The following FMO2 variants were observed in gnomAD, a reference collection of about 807,000 sequenced individuals.
FMO2 encodes flavin containing dimethylaniline monoxygenase 2.
A neutral mutation model predicts 41.6 loss-of-function variants in FMO2; 33 were observed. The ratio of observed to expected loss-of-function variants is 0.79; its 90% CI spans 0.60 to 1.06. FMO2 has a LOEUF of 1.06. FMO2 is among the 50% of genes least tolerant of loss of function. FMO2 has a pLI of 0.00. For synonymous variants in FMO2, 214 were observed against 219.6 expected (o/e 0.97, Z 0.23); for missense variants, 619 against 632.9 (o/e 0.98, Z 0.23).
chr1:171,205,634 G>C lies in FMO2; in HGVS notation c.1183G>C (p.Gly395Arg). The C allele has an allele frequency of 1.3e-6, 2 of 1,597,210 alleles. No homozygotes were observed. The highest frequency in any genetic ancestry group is 1.7e-6 in the Non-Finnish European group (2 of 1,170,670). ...QARWVTRVFK[G>R]LCSLPSERTM... ...TCGTTGGGTGACAAGAGTTTTCAAA[G>C]GTAAGTGTGTAGGCAGGTGAGTGGC... Residue 395 changes from glycine (G) to arginine (R), a missense_variant and splice_region_variant, in exon 7 of 9, where the codon GGC (glycine) becomes CGC (arginine). Transcript: ENST00000209929.
intron 1 of FMO2, 136 bp from the exon 2 acceptor site, chr1:171,185,572 T>G: frequency 1.2e-6 from 1 of 811,824 alleles, no homozygotes; most frequent in Non-Finnish European, 1.9e-6. Context: ...GATTTTTGAC[T>G]GGCTCTTTAT....
rs2102020977 is a variant in FMO2 at position 171,209,877 on chromosome 1, TCA to T, written c.*735_*736del. 1 of 152,322 alleles carries T rather than the reference TCA, an allele frequency of 6.6e-6. No individual in the cohort carries two copies. Among genetic ancestry groups the T allele is most frequent in the African/African-American group, 2.4e-5 (1 of 41,586 alleles). 9.4% of individuals were successfully genotyped at this position (152,322 alleles called of 1,614,324 possible). A position where few individuals can be genotyped will look rare whatever the true frequency, so the allele number is the denominator to read the frequency against. The stretch of plus-strand genomic sequence containing the variant: ...TCATATGTATTATTTCATTTAATTC[TCA>T]CAACAATTCTGTGAAATGGTTACAG... On this transcript the variant is annotated 3_prime_UTR_variant, in exon 9 of 9. Transcript: ENST00000209929.
In FMO2 at chr1:171,193,480, T is replaced by A. The variant is rs1557976477; in HGVS notation, c.278T>A (p.Ile93Asn). ...HNSKLLEYFR[I>N]FAKKFDLLKY... ...TCTAAACTTCTGGAATATTTCAGGA[T>A]TTTTGCTAAAAAATTTGATCTGCTA... Residue 93 changes from isoleucine to asparagine, a missense_variant, in exon 3 of 9, where the codon ATT becomes AAT. Ile to Asn is a moderately radical substitution (Grantham distance 149, BLOSUM62 -3). Transcript: ENST00000209929. 1.2e-6 allele frequency: 2 copies of A among 1,611,952 alleles called. No homozygotes were observed. Among genetic ancestry groups the A allele is most frequent in the Non-Finnish European group, 1.7e-6 (2 of 1,178,684 alleles).
intron 7 of FMO2, among the ~76,000 whole-genome samples, chr1:171,206,920 T>C (rs1393685897): frequency 6.6e-6 from 1 of 152,194 alleles, no homozygotes; most frequent in Non-Finnish European, 1.5e-5. Flanking sequence ...ACATTATAAT[T>C]GGTTCAATGT....
chr1:171,196,501 C>T, intron 3 of FMO2, 148 bp from the exon 4 acceptor site: 1 of 569,394 alleles, frequency 1.8e-6, no homozygotes, highest in East Asian at 3.1e-5. Context: ...TTTTCTCTCT[C>T]AAGTCCTTAT....
chr1:171,187,290 G>A (rs1037406810), intron 2 of FMO2, among the ~76,000 whole-genome samples: 1 of 152,200 alleles, frequency 6.6e-6, no homozygotes, highest in African/African-American at 2.4e-5. Context: ...TTCCAAATGG[G>A]AACAAAAGGT....
intron 3 of FMO2, among the ~76,000 whole-genome samples, 194 bp from the exon 4 acceptor site, chr1:171,196,455 C>A (rs1011210414): frequency 6.6e-6 from 1 of 152,192 alleles, no homozygotes; most frequent in Admixed American, 6.5e-5. Flanking sequence ...GTGACTCCAT[C>A]TAGATTCTGA....
chr1:171,186,667 G>A (rs548674800), intron 2 of FMO2, among the ~76,000 whole-genome samples: 4 of 152,284 alleles, frequency 2.6e-5, no homozygotes, highest in African/African-American at 9.6e-5. Context: ...GACATGTGGG[G>A]ATTGTGGGAA....
At chr1:171,205,677 G>A in intron 7 of FMO2, 43 bp downstream of exon 7, 2 of 1,324,786 alleles carry the variant, frequency 1.5e-6, no homozygotes, top group Non-Finnish European at 2.1e-6. Context: ...TTCAGATCTG[G>A]TGAAGTTTAT....
At position 171,209,994 on chromosome 1, in the gene FMO2, C is replaced by T. The variant is rs971429230; in HGVS notation, c.*849C>T. The T allele has an allele frequency of 6.6e-6, 1 of 152,094 alleles. No homozygotes were observed. Among genetic ancestry groups the T allele is most frequent in the Admixed American group, 6.6e-5 (1 of 15,260 alleles). 9.4% of individuals were successfully genotyped at this position (152,094 alleles called of 1,614,324 possible). On this transcript the variant is annotated 3_prime_UTR_variant, in exon 9 of 9. Coordinates refer to ENST00000209929, the MANE Select transcript of FMO2 (RefSeq NM_001460.5). ...GGAATTGGAACTCAGATTTGTTGAA[C>T]TCTAGAACTAAAGATCATAATGTTG...
intron 2 of FMO2, among the ~76,000 whole-genome samples, chr1:171,188,097 TAC>T (rs1362596878): frequency 2.7e-5 from 4 of 148,688 alleles, no homozygotes; most frequent in Non-Finnish European, 5.9e-5. Flanking sequence ...ATGTAGAAAT[TAC>T]AGTTGGTCCT....
At chr1:171,194,693 A>G (rs1444709467) in intron 3 of FMO2, among the ~76,000 whole-genome samples, 2 of 152,210 alleles carry the variant, frequency 1.3e-5, no homozygotes, top group African/African-American at 4.8e-5. Context: ...TGGGAGGTCA[A>G]AGCTGCAATA....
At chr1:171,198,864 T>TA (rs1453176908) in intron 4 of FMO2, among the ~76,000 whole-genome samples, 3 of 152,170 alleles carry the variant, frequency 2.0e-5, no homozygotes, top group African/African-American at 4.8e-5. Flanking sequence ...GCCTCTGAAA[T>TA]AAAAAATCAA....
chr1:171,207,634 G>A, intron 7 of FMO2, 84 bp from the exon 8 acceptor site: 1 of 972,288 alleles, frequency 1.0e-6, no homozygotes, highest in South Asian at 1.4e-5. Context: ...TCAATGTCCA[G>A]AGTTTAATTT....
Position 171,209,170 on chromosome 1 carries a change from T to C in FMO2, c.*25T>C. The C allele has an allele frequency of 2.3e-6, 1 of 432,590 alleles. No homozygotes were observed. The highest frequency in any genetic ancestry group is 4.1e-6 in the Non-Finnish European group (1 of 246,460). 26.8% of individuals were successfully genotyped at this position (432,590 alleles called of 1,614,324 possible). ...GTCAGCATAATGCTTTGGGCTTTAT[T>C]ATCTTGTCAGTCACTACCTCCTAAA... is the stretch of plus-strand genomic sequence containing the variant. On this transcript the variant is annotated 3_prime_UTR_variant, in exon 9 of 9. Transcript: ENST00000209929.
chr1:171,208,787 C>G lies in FMO2; in HGVS notation c.1257-7C>G, dbSNP rs1360950959. 6.2e-7 allele frequency: 1 copy of G among 1,612,398 alleles called. No individual in the cohort carries two copies. Among genetic ancestry groups the G allele is most frequent in the Non-Finnish European group, 8.5e-7 (1 of 1,179,358 alleles). On this transcript the variant is annotated splice_polypyrimidine_tract_variant and splice_region_variant and intron_variant, in intron 8 of 8. Coordinates refer to ENST00000209929, the MANE Select transcript of FMO2 (RefSeq NM_001460.5). ...GTGAACATTCCCTTTTTACTTTCTT[C>G]ACTAAGGTTTGGAGAAAGCCAGAGC... is the stretch of plus-strand genomic sequence containing the variant.
chr1:171,200,798 C>T (rs893271281), intron 5 of FMO2, among the ~76,000 whole-genome samples: 1 of 152,206 alleles, frequency 6.6e-6, no homozygotes, highest in Non-Finnish European at 1.5e-5. Flanking sequence ...GGAACTGTGA[C>T]AGCCTGGAGA....
intron 2 of FMO2, among the ~76,000 whole-genome samples, chr1:171,189,659 C>CTTTTT (rs397827245): frequency 8.2e-6 from 1 of 121,472 alleles, no homozygotes; most frequent in Non-Finnish European, 1.7e-5. Context: ...TTTTTCTTTT[C>CTTTTT]TTTTTTTTTT....
rs1658987907 is a variant in FMO2 at position 171,211,645 on chromosome 1, A to C, written c.*2500A>C. 6.6e-6 allele frequency among the ~76,000 whole-genome samples: 1 copy of C among 152,154 alleles called. No homozygotes were observed. The highest frequency in any genetic ancestry group is 2.4e-5 in the African/African-American group (1 of 41,438). ...AATGTAAATAGTTTATTTATAGAGA[A>C]CCCTACCTCTGAGGTTGACTCAAAG... On this transcript the variant is annotated 3_prime_UTR_variant, in exon 9 of 9. Transcript: ENST00000209929.
Sources: gnomAD v4.1 joint callset for allele counts (sites outside exome capture counted in the v4.1 genomes callset) on GRCh38, gnomAD v4.1.1 for gene constraint, MANE v1.5 for transcripts, NCBI Gene and HGNC (gene_info 2026-07-23, HGNC 2026-07-21) for gene names.